The following GPATCH1 variants were observed in gnomAD, a reference collection of about 807,000 sequenced individuals.
GPATCH1 encodes the protein G patch domain-containing protein 1.
GPATCH1 carries 73 observed loss-of-function variants against 114.9 expected under a neutral mutation model. That is an observed-to-expected ratio of 0.64 (90% CI 0.53 to 0.77). The LOEUF (loss-of-function observed/expected upper bound fraction) is 0.77. GPATCH1 is among the 30% of genes least tolerant of loss of function. The pLI is 0.00. For missense variants in GPATCH1, 1,058 were observed against 1,144.3 expected (o/e 0.92, Z 1.09); for synonymous variants, 391 against 428.4 (o/e 0.91, Z 1.08).
intron 13 of GPATCH1, 61 bp downstream of exon 13, chr19:33,112,674 C>T: frequency 7.3e-7 from 1 of 1,366,488 alleles, no homozygotes; most frequent in Non-Finnish European, 1.0e-6. Context: ...AGCTAATTTT[C>T]CCCTTACATA....
At chr19:33,126,807 G>C (rs1239633539) in intron 19 of GPATCH1, 74 bp downstream of exon 19, 1 of 1,277,240 alleles carries the variant, frequency 7.8e-7, no homozygotes, top group African/African-American at 1.5e-5. Flanking sequence ...TTTGCTTAGA[G>C]GCAAATATCA....
chr19:33,097,813 T>C lies in GPATCH1; in HGVS notation c.911T>C (p.Leu304Pro). ...EDDDIYATET[L>P]SKYDTVLKDE... ...GATGATATCTATGCCACAGAAACTC[T>C]ATCCAAGTATGACACTGTTCTGAAG... Residue 304 changes from leucine to proline, a missense_variant, in exon 8 of 20, where the codon CTA becomes CCA. Transcript: ENST00000170564. 1 of 1,613,614 alleles carries C rather than the reference T, an allele frequency of 6.2e-7. No homozygotes were observed. The highest frequency in any genetic ancestry group is 8.5e-7 in the Non-Finnish European group (1 of 1,179,526).
chr19:33,116,171 C>G (rs1455428705), intron 15 of GPATCH1, among the ~76,000 whole-genome samples: 1 of 152,126 alleles, frequency 6.6e-6, no homozygotes, highest in Non-Finnish European at 1.5e-5. Context: ...TTACTCTCCT[C>G]CCTCTATGCT....
chr19:33,128,451 G>A (rs1441415303), intron 19 of GPATCH1, among the ~76,000 whole-genome samples: 1 of 152,090 alleles, frequency 6.6e-6, no homozygotes, highest in Non-Finnish European at 1.5e-5. Context: ...TAGTAGAGAC[G>A]GGGTTTCACC....
At chr19:33,121,313 T>C (rs1048333613) in intron 17 of GPATCH1, among the ~76,000 whole-genome samples, 2 of 140,016 alleles carry the variant, frequency 1.4e-5, no homozygotes, top group African/African-American at 2.9e-5. Context: ...TCTTTTTCTT[T>C]TCTTTTCTTT....
rs1324598249 is a variant in GPATCH1, at chr19:33,118,049, A to G, written c.2413+8A>G. Reference sequence around the variant, plus strand: ...CATCATCTGTGGCTCACGGTATGTCAGTATTTCAGACTCGGGGATCTAAAG... The same window carrying G: ...CATCATCTGTGGCTCACGGTATGTCGGTATTTCAGACTCGGGGATCTAAAG... On this transcript the variant is annotated splice_region_variant and intron_variant, in intron 16 of 19. Transcript: ENST00000170564. 6.3e-7 allele frequency: 1 copy of G among 1,593,828 alleles called. No homozygotes were observed. Among genetic ancestry groups the G allele is most frequent in the Non-Finnish European group, 8.6e-7 (1 of 1,161,802 alleles).
At chr19:33,121,248 T>G (rs920119825) in intron 17 of GPATCH1, among the ~76,000 whole-genome samples, 10 of 151,510 alleles carry the variant, frequency 6.6e-5, no homozygotes, top group Non-Finnish European at 1.0e-4. Context: ...CCCACAGTGC[T>G]GGAATTACAA....
At chr19:33,120,859 A>C (rs1972975772) in intron 17 of GPATCH1, among the ~76,000 whole-genome samples, 1 of 151,512 alleles carries the variant, frequency 6.6e-6, no homozygotes, top group Admixed American at 6.6e-5. Context: ...ACGTGGTGGC[A>C]TGTGCCTGTA....
At chr19:33,087,677 A>T (rs1464028556) in intron 1 of GPATCH1, among the ~76,000 whole-genome samples, 3 of 150,694 alleles carry the variant, frequency 2.0e-5, no homozygotes. Flanking sequence ...CTCTCCTGAC[A>T]TTATAATTTT....
chr19:33,097,714 C>G, intron 7 of GPATCH1, 41 bp from the exon 8 acceptor site: 1 of 1,596,008 alleles, frequency 6.3e-7, no homozygotes, highest in Non-Finnish European at 8.6e-7. Context: ...CCAGACATAC[C>G]CTAACACCTG....
intron 11 of GPATCH1, 75 bp downstream of exon 11, chr19:33,110,091 A>G (rs1205728092): frequency 1.6e-6 from 2 of 1,255,096 alleles, no homozygotes; most frequent in Middle Eastern, 2.8e-4. Context: ...TCCTAGACCC[A>G]TATTTACAGT....
At chr19:33,109,669 G>A (rs373171422) in intron 10 of GPATCH1, 48 bp from the exon 11 acceptor site, 9 of 1,215,090 alleles carry the variant, frequency 7.4e-6, no homozygotes, top group Non-Finnish European at 8.1e-6. Context: ...CGTAAATGTG[G>A]TTGTCTCATG....
intron 18 of GPATCH1, among the ~76,000 whole-genome samples, chr19:33,125,997 C>T (rs1031611744): frequency 1.3e-5 from 2 of 152,086 alleles, no homozygotes; most frequent in Non-Finnish European, 2.9e-5. Flanking sequence ...TTGTTGGGTA[C>T]CCAAAGTAGT....
Position 33,097,627 on chromosome 19 carries a change from C to T in GPATCH1, c.853-128C>T, listed in dbSNP as rs938440630. On this transcript the variant is annotated intron_variant, in intron 7 of 19. Coordinates refer to ENST00000170564, the MANE Select transcript of GPATCH1 (RefSeq NM_018025.3). ...TGTTGGTCGATCTGGGACCCCCGTT[C>T]ACTTCTCTCTTGGTGATCTTGAAGT... The T allele has an allele frequency of 7.2e-6, 6 of 833,330 alleles. No individual in the cohort carries two copies. The African/African-American group carries it at 8.5e-5, about 12-fold the overall frequency. 51.6% of individuals were successfully genotyped at this position (833,330 alleles called of 1,614,324 possible).
Position 33,125,096 on chromosome 19 carries a change from GT to G in GPATCH1, c.2522-8del, listed in dbSNP as rs776695974. 8 of 1,591,362 alleles carry G rather than the reference GT, an allele frequency of 5.0e-6. No individual in the cohort carries two copies. The East Asian group carries it at 1.6e-4, about 32-fold the overall frequency. ...TATAGGTCCTGTGTTTATTACCTTT[GT>G]GTTTCAGATGCTCGTCAGACACTTG... On this transcript the variant is annotated splice_polypyrimidine_tract_variant and splice_region_variant and intron_variant, in intron 17 of 19. Coordinates refer to ENST00000170564, the MANE Select transcript of GPATCH1 (RefSeq NM_018025.3).
chr19:33,126,023 A>C (rs1973036795), intron 18 of GPATCH1, among the ~76,000 whole-genome samples: 1 of 152,170 alleles, frequency 6.6e-6, no homozygotes, highest in African/African-American at 2.4e-5. Flanking sequence ...CTAGGTGCTG[A>C]AGAAATTAGA....
chr19:33,092,341 G>T (rs992737393), intron 3 of GPATCH1, among the ~76,000 whole-genome samples: 3 of 152,058 alleles, frequency 2.0e-5, no homozygotes, highest in Non-Finnish European at 2.9e-5. Flanking sequence ...GTGAGCCACC[G>T]CACCCGGCAG....
At chr19:33,114,017 C>T (rs1396541156) in intron 14 of GPATCH1, 114 bp downstream of exon 14, 1 of 953,672 alleles carries the variant, frequency 1.0e-6, no homozygotes, top group Non-Finnish European at 1.6e-6. Flanking sequence ...GCATATTCTC[C>T]CTCCATTGAG....
intron 9 of GPATCH1, among the ~76,000 whole-genome samples, chr19:33,102,332 T>C (rs1972736330): frequency 6.6e-6 from 1 of 151,552 alleles, no homozygotes. Flanking sequence ...CAAAACTCCG[T>C]ATCGAAAAGA....
Sources: allele counts gnomAD v4.1 joint callset (sites outside exome capture counted in the v4.1 genomes callset), GRCh38; gene constraint gnomAD v4.1.1; transcripts MANE v1.5; gene names NCBI Gene and HGNC (gene_info 2026-07-23, HGNC 2026-07-21).